Variants in ATG4A observed in about 807,000 individuals in gnomAD.
ATG4A encodes the protein cysteine protease ATG4A.
A neutral mutation model predicts 38.4 loss-of-function variants in ATG4A; 22 were observed. The ratio of observed to expected loss-of-function variants is 0.57; its 90% CI spans 0.41 to 0.82. The LOEUF (loss-of-function observed/expected upper bound fraction) is 0.82. Ranked by LOEUF, ATG4A falls within the 40% of genes least tolerant of loss-of-function variation. The pLI is 0.00. For synonymous variants in ATG4A, 86 were observed against 100.7 expected, an observed-to-expected ratio of 0.85 and a Z score of 0.88; for missense variants, 220 against 290.0, an observed-to-expected ratio of 0.76 and a Z score of 1.75.
chrX:108,100,744 A>G (rs985614671), intron 1 of ATG4A, among the ~76,000 whole-genome samples: 1 of 112,075 alleles, frequency 8.9e-6, no homozygotes, highest in Non-Finnish European at 1.9e-5. Context: ...CTAGCCTTGC[A>G]TCCTTGGATA....
At chrX:108,121,161 A>C (rs1201418406) in intron 1 of ATG4A, among the ~76,000 whole-genome samples, 2 of 111,781 alleles carry the variant, frequency 1.8e-5, no homozygotes, top group Non-Finnish European at 3.8e-5. Context: ...AGGCCTGTGC[A>C]CAGGTGAGCA....
chrX:108,128,000 C>T (rs910648389), intron 2 of ATG4A, among the ~76,000 whole-genome samples: 15 of 112,707 alleles, frequency 1.3e-4, no homozygotes, highest in African/African-American at 3.2e-5. Context: ...AGTTGCTATA[C>T]ATTTCTTACA....
chrX:108,098,525 G>A (rs1046807748), intron 1 of ATG4A, among the ~76,000 whole-genome samples: 1 of 111,047 alleles, frequency 9.0e-6, no homozygotes, highest in South Asian at 3.8e-4. Context: ...GGAATGATAC[G>A]TGTGTATAAT....
At chrX:108,138,555 C>A (rs1302053898) in intron 9 of ATG4A, among the ~76,000 whole-genome samples, 1 of 112,161 alleles carries the variant, frequency 8.9e-6, no homozygotes, top group Non-Finnish European at 1.9e-5. Context: ...TTATTAGGGC[C>A]TGCTGGCTCA....
chrX:108,129,870 C>CTTTTTTTTT (rs775581997), intron 3 of ATG4A, among the ~76,000 whole-genome samples: 1 of 95,013 alleles, frequency 1.1e-5, no homozygotes. Flanking sequence ...GCTCCCGGCC[C>CTTTTTTTTT]TTTTTTTTTT....
chrX:108,089,618 G>A (rs2031540534), upstream of ATG4A, among the ~76,000 whole-genome samples: 1 of 111,461 alleles, frequency 9.0e-6, no homozygotes, highest in Non-Finnish European at 1.9e-5. Context: ...CAGATCACCC[G>A]AGGTCAGGAG....
intron 1 of ATG4A, among the ~76,000 whole-genome samples, chrX:108,095,711 CTTTT>C (rs556952760): frequency 1.2e-5 from 1 of 82,374 alleles, no homozygotes; most frequent in Non-Finnish European, 2.4e-5. Context: ...TCTTTTCTTT[CTTTT>C]TTTTTTTTTT....
At chrX:108,116,450 C>G (rs1198036136) in intron 1 of ATG4A, among the ~76,000 whole-genome samples, 3 of 111,643 alleles carry the variant, frequency 2.7e-5, no homozygotes, top group African/African-American at 9.8e-5. Context: ...GTACTTCTCC[C>G]CCGGTGTTGT....
In ATG4A at chrX:108,126,181, A is replaced by C. The variant is rs1021951838; in HGVS notation, c.115A>C (p.Lys39Gln). The C allele has an allele frequency of 4.2e-6, 5 of 1,190,949 alleles. No individual in the cohort carries two copies. Among genetic ancestry groups the C allele is most frequent in the Non-Finnish European group, 5.7e-6 (5 of 877,138 alleles). The change falls in exon 2 of 13, where the codon AAA becomes CAA. Residue 39 changes from lysine (K) to glutamine (Q), a missense_variant. Transcript: ENST00000372232. The stretch of plus-strand genomic sequence containing the variant: ...GATCTTAGGGAAGCAGCATCTCCTT[A>C]AAACAGGTAAGATTTGGTAGCATTT... ...VWILGKQHLL[K>Q]TEKSKLLSDI...
At chrX:108,141,021 C>CGT (rs1569311533) in intron 9 of ATG4A, among the ~76,000 whole-genome samples, 2 of 76,075 alleles carry the variant, frequency 2.6e-5, no homozygotes. Context: ...TATATATACA[C>CGT]ATATATATAC....
intron 1 of ATG4A, among the ~76,000 whole-genome samples, chrX:108,101,604 T>A (rs1278630302): frequency 9.1e-6 from 1 of 109,371 alleles, no homozygotes; most frequent in Admixed American, 1.0e-4. Context: ...AGCAGGAGAT[T>A]TAGTTCTTAA....
upstream of ATG4A, chrX:108,091,531 C>CAGCAACTACTTGTCGCGCG (rs761013497): frequency 2.5e-6 from 3 of 1,201,571 alleles, no homozygotes; most frequent in Non-Finnish European, 3.4e-6. Context: ...TTCGCTGTCC[C>CAGCAACTACTTGTCGCGCG]AGCAACTACT....
Position 108,141,058 on chromosome X carries a change from GTGTATATATATACATATATATA to G in ATG4A, c.814+2869_814+2890del, listed in dbSNP as rs1361601239. 8.6e-3 allele frequency among the ~76,000 whole-genome samples: 263 copies of G among 30,569 alleles called. 10 individuals carry two copies. The highest frequency in any genetic ancestry group is 0.03 in the African/African-American group (242 of 8,051). 26.5% of individuals were successfully genotyped at this position (30,569 alleles called of 115,157 possible). On this transcript the variant is annotated intron_variant, in intron 9 of 12. Coordinates refer to ENST00000372232, the MANE Select transcript of ATG4A (RefSeq NM_052936.5). ...TATATACATATATATACATATATACGTGTATATATATACATATATATATATATATATATATATATATATATAT... is the reference window on the plus strand; with the variant it reads ...TATATACATATATATACATATATACGTATATATATATATATATATATATAT...
intron 2 of ATG4A, chrX:108,126,901 A>G (rs2032812407): frequency 2.0e-6 from 1 of 511,355 alleles, no homozygotes; most frequent in East Asian, 9.0e-5. Flanking sequence ...CTGAGGAGAC[A>G]TCCTCTTCAG....
rs763219927 is a variant in ATG4A, at chrX:108,128,793, T to A, written c.134T>A (p.Leu45Gln). The change falls in exon 3 of 13, where the codon CTG (leucine) becomes CAG (glutamine). Residue 45 changes from leucine to glutamine, a missense_variant. Physicochemically the swap from Leu to Gln is moderately radical, Grantham distance 113. This residue lies in a region of ATG4A where 61 missense variants were observed against 83.3 expected (regional missense o/e 0.73). Coordinates refer to ENST00000372232, the MANE Select transcript of ATG4A (RefSeq NM_052936.5). ...QHLLKTEKSKLLSDISARLWF... is the reference protein window; with the variant it reads ...QHLLKTEKSKQLSDISARLWF... ...CATTTAATTACAGAAAAATCTAAGCTGTTGTCTGATATAAGTGCTCGTCTA... is the reference window on the plus strand; with the variant it reads ...CATTTAATTACAGAAAAATCTAAGCAGTTGTCTGATATAAGTGCTCGTCTA... The A allele has an allele frequency of 1.7e-6, 2 of 1,172,766 alleles. No homozygotes were observed. Among genetic ancestry groups the A allele is most frequent in the Non-Finnish European group, 2.3e-6 (2 of 876,044 alleles).
In ATG4A at chrX:108,153,746, C is replaced by T. The variant is rs761981922; in HGVS notation, c.*34C>T. 5 of 1,103,741 alleles carry T rather than the reference C, an allele frequency of 4.5e-6. No homozygotes were observed. The African/African-American group carries it at 9.1e-5, about 20-fold the overall frequency. The allele number at this position is 1,103,741 out of a possible 1,213,427, so 91.0% of individuals were successfully genotyped here. A position where few individuals can be genotyped will look rare whatever the true frequency, so the allele number is the denominator to read the frequency against. ...GAACTCAACTTGAAGGTCTGTCTTC[C>T]ATCTGGCACCATAAAAACATGAACT... is the stretch of plus-strand genomic sequence containing the variant. On this transcript the variant is annotated 3_prime_UTR_variant, in exon 13 of 13. Transcript: ENST00000372232.
In ATG4A at chrX:108,095,711, C is replaced by CT. The variant is rs556952760; in HGVS notation, c.10+3891dup. On this transcript the variant is annotated intron_variant, in intron 1 of 12. Transcript: ENST00000372232. The stretch of plus-strand genomic sequence containing the variant: ...TTTTTTTTCTTATTTTCTTTTCTTT[C>CT]TTTTTTTTTTTTTTTTGGAGACAAA... 4.9e-3 allele frequency among the ~76,000 whole-genome samples: 402 copies of CT among 82,324 alleles called. 4 individuals are homozygous for CT. The highest frequency in any genetic ancestry group is 9.8e-3 in the Admixed American group (80 of 8,155). The allele number at this position is 82,324 out of a possible 115,157, so 71.5% of individuals were successfully genotyped here.
At chrX:108,122,574 C>T (rs762798465) in intron 1 of ATG4A, among the ~76,000 whole-genome samples, 5 of 111,724 alleles carry the variant, frequency 4.5e-5, no homozygotes, top group Admixed American at 9.5e-5. Flanking sequence ...CCAGAGGAGA[C>T]AGAATAGGGT....
chrX:108,151,731 T>C, intron 10 of ATG4A, 71 bp from the exon 11 acceptor site: 1 of 1,073,007 alleles, frequency 9.3e-7, no homozygotes, highest in Non-Finnish European at 1.3e-6. Flanking sequence ...CACATCCTAA[T>C]TCTGGGCCAA....
Sources: allele counts gnomAD v4.1 joint callset (sites outside exome capture counted in the v4.1 genomes callset), GRCh38; gene constraint gnomAD v4.1.1; regional missense constraint gnomAD v4.1.1; transcripts MANE v1.5; gene names NCBI Gene and HGNC (gene_info 2026-07-23, HGNC 2026-07-21).